The following CD81 variants were observed in gnomAD, a reference collection of about 807,000 sequenced individuals.
CD81 encodes CD81 antigen.
Under a neutral mutation model 30.1 loss-of-function variants are expected in CD81, and 10 were observed. That is an observed-to-expected ratio of 0.33 (90% confidence interval 0.21 to 0.56). CD81 has a LOEUF of 0.56. CD81 is among the 20% of genes least tolerant of loss of function. The pLI, the probability that CD81 is intolerant of heterozygous loss-of-function variation, is 0.89. For missense variants in CD81, 263 were observed against 308.7 expected (o/e 0.85, Z 1.11); for synonymous variants, 147 against 126.4 (o/e 1.16, Z -1.10).
intron 6 of CD81, chr11:2,396,207 G>A (rs1188591863): frequency 3.3e-6 from 2 of 599,900 alleles, no homozygotes; most frequent in African/African-American, 3.7e-5. Context: ...CTGGGGGGTG[G>A]GAACTCACCT....
intron 1 of CD81, among the ~76,000 whole-genome samples, chr11:2,388,884 C>A (rs1849844537): frequency 6.6e-6 from 1 of 152,206 alleles, no homozygotes; most frequent in African/African-American, 2.4e-5. Context: ...GGTGGCCGCA[C>A]TTGTGGGGCC....
chr11:2,381,426 C>T (rs999961294), intron 1 of CD81, among the ~76,000 whole-genome samples: 4 of 152,210 alleles, frequency 2.6e-5, no homozygotes, highest in African/African-American at 9.6e-5. Flanking sequence ...CCCACCCCAG[C>T]GCCCAGTTCA....
chr11:2,387,820 G>A lies in CD81; in HGVS notation c.67-2592G>A, dbSNP rs542562364. Among the ~76,000 whole-genome samples, 10 of 152,300 alleles carry A rather than the reference G, an allele frequency of 6.6e-5. No homozygotes were observed. The East Asian group carries it at 1.7e-3, about 26-fold the overall frequency. Reference sequence around the variant, plus strand: ...AAGAGCTTCAGTCTGGGGCCTGGGCGGGGGAAGTAGGCTGCCATCCTCGCT... The same window carrying A: ...AAGAGCTTCAGTCTGGGGCCTGGGCAGGGGAAGTAGGCTGCCATCCTCGCT... On this transcript the variant is annotated intron_variant, in intron 1 of 7. Transcript: ENST00000263645.
chr11:2,379,141 A>T (rs1281991705), intron 1 of CD81: 2 of 454,866 alleles, frequency 4.4e-6, no homozygotes, highest in East Asian at 1.4e-4. Context: ...CAGCCCAGGC[A>T]TGTGGGAGAG....
chr11:2,385,160 G>A lies in CD81; in HGVS notation c.67-5252G>A, dbSNP rs946443602. On this transcript the variant is annotated intron_variant, in intron 1 of 7. Transcript: ENST00000263645. Reference sequence around the variant, plus strand: ...CCAGAAGAAACACTGGCCCCGGGGAGTTCAGTCATCAGGGACTTAGGATGT... The same window carrying A: ...CCAGAAGAAACACTGGCCCCGGGGAATTCAGTCATCAGGGACTTAGGATGT... Among the ~76,000 whole-genome samples, 10 of 152,290 alleles carry A rather than the reference G, an allele frequency of 6.6e-5. No homozygotes were observed. The East Asian group carries it at 1.7e-3, about 27-fold the overall frequency.
Position 2,397,093 on chromosome 11 carries a change from G to T in CD81, c.*227G>T. On this transcript the variant is annotated 3_prime_UTR_variant, in exon 8 of 8. Coordinates refer to ENST00000263645, the MANE Select transcript of CD81 (RefSeq NM_004356.4). ...ATGAGTGGAGACGGGCCTGGGTCTT[G>T]GGGACTGGAGGGCAGGGGTCCTTCT... The T allele has an allele frequency of 1.7e-6, 1 of 581,026 alleles. No homozygotes were observed. Among genetic ancestry groups the T allele is most frequent in the Admixed American group, 2.8e-5 (1 of 35,508 alleles). The allele number at this position is 581,026 out of a possible 1,614,324, so 36.0% of individuals were successfully genotyped here. A position where few individuals can be genotyped will look rare whatever the true frequency, so the allele number is the denominator to read the frequency against.
intron 1 of CD81, chr11:2,386,264 T>C (rs1589848657): frequency 1.2e-5 from 8 of 679,008 alleles, no homozygotes; most frequent in African/African-American, 1.8e-5. Context: ...GTTTTCTTGC[T>C]GTTGAGTTTG....
At chr11:2,386,097 C>A (rs1212229074) in intron 1 of CD81, 1 of 717,412 alleles carries the variant, frequency 1.4e-6, no homozygotes, top group East Asian at 2.7e-5. Flanking sequence ...GGCAGCCAGT[C>A]CACTGGGTGC....
intron 2 of CD81, chr11:2,391,757 C>G (rs1849905130): frequency 6.6e-6 from 1 of 152,278 alleles, no homozygotes; most frequent in African/African-American, 2.4e-5. Flanking sequence ...CCCAGGGGCT[C>G]ATGTGGAGAC....
At position 2,394,992 on chromosome 11, in the gene CD81, C is replaced by A. The variant is rs752742369; in HGVS notation, c.300C>A (p.Ile100=). 13 of 1,612,734 alleles carry A rather than the reference C, an allele frequency of 8.1e-6. No individual in the cohort carries two copies. The highest frequency in any genetic ancestry group is 8.5e-6 in the Non-Finnish European group (10 of 1,179,996). Residue 100 remains isoleucine, a synonymous_variant, in exon 4 of 8, where the codon ATC becomes ATA. Coordinates refer to ENST00000263645, the MANE Select transcript of CD81 (RefSeq NM_004356.4). ...LLGTFFTCLV[I]LFACEVAAGI... The stretch of plus-strand genomic sequence containing the variant: ...TCCAGTTCTTCACCTGCCTGGTCAT[C>A]CTGTTTGCCTGTGAGGTGGCCGCCG...
At chr11:2,391,859 G>A (rs1313450122) in intron 2 of CD81, 1 of 152,154 alleles carries the variant, frequency 6.6e-6, no homozygotes, top group African/African-American at 2.4e-5. Flanking sequence ...GGGTGGCAGA[G>A]CCCGGCCAGC....
chr11:2,396,780 G>A (rs1850016771), intron 7 of CD81, 24 bp from the exon 8 acceptor site: 1 of 1,612,290 alleles, frequency 6.2e-7, no homozygotes, highest in Non-Finnish European at 8.5e-7. Flanking sequence ...TGTGCTGACT[G>A]CGCCCCCCAC....
intron 1 of CD81, among the ~76,000 whole-genome samples, chr11:2,381,017 C>T (rs879926756): frequency 2.0e-5 from 3 of 152,224 alleles, no homozygotes; most frequent in Non-Finnish European, 2.9e-5. Context: ...GCACGTCTTT[C>T]GCCGTCCTTC....
At chr11:2,391,049 G>T (rs1589851286) in intron 2 of CD81, 1 of 239,826 alleles carries the variant, frequency 4.2e-6, no homozygotes, top group East Asian at 1.0e-4. Context: ...GGGGGACTGG[G>T]CTGCCCTCCC....
upstream of CD81, chr11:2,376,794 T>G (rs1203021790): frequency 1.3e-5 from 2 of 152,256 alleles, no homozygotes; most frequent in Non-Finnish European, 2.9e-5. Flanking sequence ...AGGCCAACAC[T>G]GACTAGGGGG....
At chr11:2,383,341 A>G (rs1046857405) in intron 1 of CD81, among the ~76,000 whole-genome samples, 2 of 151,732 alleles carry the variant, frequency 1.3e-5, no homozygotes, top group Admixed American at 1.3e-4. Flanking sequence ...CCCGTCCCCA[A>G]CCTCCACACC....
At chr11:2,395,210 C>T in intron 4 of CD81, 164 bp downstream of exon 4, 3 of 736,636 alleles carry the variant, frequency 4.1e-6, no homozygotes, top group Non-Finnish European at 4.8e-6. Context: ...GAGGAGGCAG[C>T]ATTGGGGCTG....
rs1489663598 is a variant in CD81 at position 2,378,676 on chromosome 11, T to A, written c.66+1061T>A. Among the ~76,000 whole-genome samples the A allele has an allele frequency of 6.6e-6, 1 of 152,170 alleles. No individual in the cohort carries two copies. Among genetic ancestry groups the A allele is most frequent in the African/African-American group, 2.4e-5 (1 of 41,452 alleles). The stretch of plus-strand genomic sequence containing the variant: ...GGTGTCCATGGCCGCGGCCTCCCCG[T>A]GGCCACGCCCCTGGGCATAGACTGC... On this transcript the variant is annotated intron_variant, in intron 1 of 7. Coordinates refer to ENST00000263645, the MANE Select transcript of CD81 (RefSeq NM_004356.4). The surrounding 1 kb of genome is among the most constrained non-coding windows in gnomAD (Gnocchi z 4.9).
intron 1 of CD81, chr11:2,385,779 G>A (rs1000971100): frequency 5.1e-6 from 3 of 588,750 alleles, no homozygotes; most frequent in East Asian, 3.5e-5. Flanking sequence ...GCAAGCCAGC[G>A]ACGGACCCCA....
Sources: allele counts gnomAD v4.1 joint callset (sites outside exome capture counted in the v4.1 genomes callset), GRCh38; gene constraint gnomAD v4.1.1; non-coding constraint Gnocchi (gnomAD v3.1); transcripts MANE v1.5; gene names NCBI Gene and HGNC (gene_info 2026-07-23, HGNC 2026-07-21).